Variants in TMEM237 observed in about 807,000 individuals in gnomAD.
TMEM237 encodes amyotrophic lateral sclerosis 2 (juvenile) chromosome region, candidate 4.
A neutral mutation model predicts 59.1 loss-of-function variants in TMEM237; 51 were observed. The observed-to-expected ratio is 0.86, with a 90% CI of 0.69 to 1.09. The LOEUF (loss-of-function observed/expected upper bound fraction) is 1.09. TMEM237 is among the 50% of genes least tolerant of loss of function. The pLI, the probability that TMEM237 is intolerant of heterozygous loss-of-function variation, is 0.00. For synonymous variants in TMEM237, 140 were observed against 166.1 expected (o/e 0.84, Z 1.21); for missense variants, 475 against 478.3 (o/e 0.99, Z 0.06).
chr2:201,638,198 C>T (rs1687340297), intron 4 of TMEM237, among the ~76,000 whole-genome samples: 3 of 152,112 alleles, frequency 2.0e-5, no homozygotes, highest in South Asian at 4.1e-4. Flanking sequence ...ATACATAGAA[C>T]TCTATGTATT....
chr2:201,621,845 C>T lies in TMEM237; in HGVS notation c.*2410G>A, dbSNP rs1174561533. ...GTCCACTGTAAGCTGGAGAAAGTTA[C>T]ATGAATTCTCATCGACGGCCTCAGC... On this transcript the variant is annotated 3_prime_UTR_variant, in exon 13 of 13. Transcript: ENST00000409883. 6.6e-6 allele frequency: 1 copy of T among 152,638 alleles called. No individual in the cohort carries two copies. Among genetic ancestry groups the T allele is most frequent in the Non-Finnish European group, 1.5e-5 (1 of 68,038 alleles). 9.5% of individuals were successfully genotyped at this position (152,638 alleles called of 1,614,324 possible). A position where few individuals can be genotyped will look rare whatever the true frequency, so the allele number is the denominator to read the frequency against.
intron 1 of TMEM237, chr2:201,642,509 G>T: frequency 7.3e-7 from 1 of 1,364,618 alleles, no homozygotes; most frequent in Non-Finnish European, 1.0e-6. Flanking sequence ...CAAAAATGAC[G>T]TTCCACCCAC....
intron 6 of TMEM237, 86 bp downstream of exon 6, chr2:201,633,225 C>T: frequency 7.1e-7 from 1 of 1,401,278 alleles, no homozygotes; most frequent in Non-Finnish European, 9.5e-7. Flanking sequence ...TGTAATAAGA[C>T]TTAATGAGAA....
chr2:201,636,942 TTA>T lies in TMEM237; in HGVS notation c.137-59_137-58del, dbSNP rs1376877505. 4.6e-6 allele frequency: 7 copies of T among 1,514,382 alleles called. No homozygotes were observed. In the Admixed American group the frequency reaches 8.8e-5, roughly 19 times the overall value. 93.8% of individuals were successfully genotyped at this position (1,514,382 alleles called of 1,614,324 possible). A position where few individuals can be genotyped will look rare whatever the true frequency, so the allele number is the denominator to read the frequency against. ...TTACTTGAGCAAAGATCACTGAATC[TTA>T]AAAAGATGGAGGAAAAGGTAACTAG... On this transcript the variant is annotated intron_variant, in intron 4 of 12. Coordinates refer to ENST00000409883, the MANE Select transcript of TMEM237 (RefSeq NM_001044385.3).
rs1410887688 is a variant in TMEM237, at chr2:201,623,618, T to C, written c.*637A>G. On this transcript the variant is annotated 3_prime_UTR_variant, in exon 13 of 13. Coordinates refer to ENST00000409883, the MANE Select transcript of TMEM237 (RefSeq NM_001044385.3). Reference sequence around the variant, plus strand: ...TCTATGATCCTGATGTACAACCAGATATGAGAACCACTAGTACAGATTATA... The same window carrying C: ...TCTATGATCCTGATGTACAACCAGACATGAGAACCACTAGTACAGATTATA... The C allele has an allele frequency of 6.6e-6, 1 of 152,516 alleles. No homozygotes were observed. The highest frequency in any genetic ancestry group is 1.9e-4 in the East Asian group (1 of 5,214). 9.4% of individuals were successfully genotyped at this position (152,516 alleles called of 1,614,324 possible).
chr2:201,641,043 G>C, intron 1 of TMEM237, 119 bp from the exon 2 acceptor site: 1 of 797,038 alleles, frequency 1.3e-6, no homozygotes, highest in Non-Finnish European at 1.9e-6. Flanking sequence ...CCAGGCTGGA[G>C]TGCAACGGCA....
At chr2:201,641,019 T>C (rs1687402891) in intron 1 of TMEM237, 95 bp from the exon 2 acceptor site, 6 of 1,069,856 alleles carry the variant, frequency 5.6e-6, no homozygotes, top group Non-Finnish European at 8.1e-6. Context: ...TGAGATGGTG[T>C]ATTGCTGTGT....
chr2:201,627,717 C>G (rs1398808486), intron 10 of TMEM237, among the ~76,000 whole-genome samples: 1 of 151,982 alleles, frequency 6.6e-6, no homozygotes, highest in Non-Finnish European at 1.5e-5. Flanking sequence ...TTAATATTCT[C>G]AAAACTTAGA....
In TMEM237 at chr2:201,625,709, G is replaced by A. The variant is rs137962926; in HGVS notation, c.1159+317C>T. On this transcript the variant is annotated intron_variant, in intron 12 of 12. Transcript: ENST00000409883. ...GATTTATTTCAAAATTCATCAGCAG[G>A]AGACTAAGAGAAGTGAAGAGCAAAG... is the stretch of plus-strand genomic sequence containing the variant. 1.0e-3 allele frequency among the ~76,000 whole-genome samples: 153 copies of A among 152,286 alleles called. 1 individual carries two copies. Among genetic ancestry groups the A allele is most frequent in the Admixed American group, 2.3e-3 (35 of 15,300 alleles).
intron 4 of TMEM237, among the ~76,000 whole-genome samples, chr2:201,638,239 TTA>T (rs977490653): frequency 6.6e-6 from 1 of 152,246 alleles, no homozygotes; most frequent in Non-Finnish European, 1.5e-5. Flanking sequence ...ATGATTCCTT[TTA>T]TGTTTTTGTT....
At chr2:201,641,626 C>G (rs1687421819) in intron 1 of TMEM237, among the ~76,000 whole-genome samples, 1 of 147,888 alleles carries the variant, frequency 6.8e-6, no homozygotes, top group Admixed American at 6.9e-5. Flanking sequence ...ATAATATATA[C>G]TATATATTAT....
Position 201,640,940 on chromosome 2 carries a change from T to C in TMEM237, c.43-16A>G. On this transcript the variant is annotated splice_polypyrimidine_tract_variant and intron_variant, in intron 1 of 12. Coordinates refer to ENST00000409883, the MANE Select transcript of TMEM237 (RefSeq NM_001044385.3). ...GTGGAGGACGCTGTGGCGGAAAAAA[T>C]AAATTTGCTTGTAAGTAAAAGCCTA... The C allele has an allele frequency of 6.2e-7, 1 of 1,601,112 alleles. No homozygotes were observed. The highest frequency in any genetic ancestry group is 8.5e-7 in the Non-Finnish European group (1 of 1,171,318).
intron 10 of TMEM237, 135 bp from the exon 11 acceptor site, chr2:201,627,549 T>C (rs1957770286): frequency 1.7e-6 from 1 of 591,334 alleles, no homozygotes; most frequent in Admixed American, 3.1e-5. Flanking sequence ...CAAATAAATA[T>C]ATTTCAATAG....
In TMEM237 at chr2:201,628,140, A is replaced by G. The variant is rs2105898446; in HGVS notation, c.879T>C (p.Phe293=). ...TTCGGATTGCTACTGATATTTTAGC[A>G]AAGTCAATCCTAGAAAATATAAAAG... The part of the protein sequence containing the change: ...STISAFDRID[F]AKISVAIRNF... The change falls in exon 10 of 13, where the codon TTT becomes TTC. Residue 293 remains phenylalanine, a synonymous_variant. Transcript: ENST00000409883. 1 of 1,602,530 alleles carries G rather than the reference A, an allele frequency of 6.2e-7. No individual in the cohort carries two copies. The highest frequency in any genetic ancestry group is 8.5e-7 in the Non-Finnish European group (1 of 1,174,052).
chr2:201,639,742 G>T (rs1687377262), intron 3 of TMEM237, among the ~76,000 whole-genome samples: 1 of 151,406 alleles, frequency 6.6e-6, no homozygotes, highest in Non-Finnish European at 1.5e-5. Context: ...ATTGCAGTGA[G>T]CCGAGATCAC....
rs765332543 is a variant in TMEM237, at chr2:201,622,222, A to G, written c.*2033T>C. The G allele has an allele frequency of 1.3e-5, 2 of 152,256 alleles. No homozygotes were observed. The highest frequency in any genetic ancestry group is 2.9e-5 in the Non-Finnish European group (2 of 68,064). 9.4% of individuals were successfully genotyped at this position (152,256 alleles called of 1,614,324 possible). ...TAGCCAGCTTTCCCAAGTGCATTCCACAGCAGCTCTAGCCTTCTTTATTCT... is the reference window on the plus strand; with the variant it reads ...TAGCCAGCTTTCCCAAGTGCATTCCGCAGCAGCTCTAGCCTTCTTTATTCT... On this transcript the variant is annotated 3_prime_UTR_variant, in exon 13 of 13. Coordinates refer to ENST00000409883, the MANE Select transcript of TMEM237 (RefSeq NM_001044385.3).
intron 1 of TMEM237, chr2:201,642,749 C>A: frequency 6.8e-7 from 1 of 1,466,636 alleles, no homozygotes; most frequent in Non-Finnish European, 9.0e-7. Flanking sequence ...TAGTACCCCG[C>A]GCGCAGCGCC....
Position 201,629,845 on chromosome 2 carries a change from G to A in TMEM237, c.561C>T (p.Phe187=). The A allele has an allele frequency of 6.2e-7, 1 of 1,612,030 alleles. No homozygotes were observed. The stretch of plus-strand genomic sequence containing the variant: ...TCAACTCTGAACGATCAGCAGCCTG[G>A]AATCTCCCTAAGAACACATAACGTA... The part of the protein sequence containing the change: ...GKVFVEKSRR[F]QAADRSELIK... The change falls in exon 8 of 13, where the codon TTC becomes TTT. Residue 187 remains phenylalanine (F), a synonymous_variant. Coordinates refer to ENST00000409883, the MANE Select transcript of TMEM237 (RefSeq NM_001044385.3).
At chr2:201,638,714 A>C (rs1358107765) in intron 4 of TMEM237, 2 of 429,146 alleles carry the variant, frequency 4.7e-6, no homozygotes, top group African/African-American at 4.1e-5. Context: ...TGGGGATAAA[A>C]GACCTTAAAG....
Sources: gnomAD v4.1 joint callset for allele counts (sites outside exome capture counted in the v4.1 genomes callset) on GRCh38, gnomAD v4.1.1 for gene constraint, MANE v1.5 for transcripts, NCBI Gene and HGNC (gene_info 2026-07-23, HGNC 2026-07-21) for gene names.